MAML2: variants seen among roughly 807,000 people sequenced by gnomAD.
MAML2 encodes mastermind-like protein 2.
Under a neutral mutation model 96.1 loss-of-function variants are expected in MAML2, and 22 were observed. The ratio of observed to expected loss-of-function variants is 0.23; its 90% confidence interval spans 0.16 to 0.33. The LOEUF is 0.33. Ranked by LOEUF, MAML2 falls within the 10% of genes least tolerant of loss-of-function variation. MAML2 has a pLI of 1.00. For missense variants in MAML2, 1,367 were observed against 1,392.4 expected (o/e 0.98, Z 0.29); for synonymous variants, 561 against 521.3 (o/e 1.08, Z -1.04).
intron 1 of MAML2, among the ~76,000 whole-genome samples, chr11:96,175,563 A>G (rs745337312): frequency 6.6e-6 from 1 of 152,160 alleles, no homozygotes; most frequent in Non-Finnish European, 1.5e-5. Context: ...ATGTAGCAAT[A>G]CTTTCTGAAA....
At chr11:96,225,765 G>A (rs897068249) in intron 1 of MAML2, among the ~76,000 whole-genome samples, 14 of 151,866 alleles carry the variant, frequency 9.2e-5, no homozygotes, top group Admixed American at 2.0e-4. Flanking sequence ...TCTGGGAGGC[G>A]AAGGTTGCAG....
intron 1 of MAML2, among the ~76,000 whole-genome samples, chr11:96,138,591 G>A (rs1022133428): frequency 3.9e-5 from 6 of 152,094 alleles, no homozygotes; most frequent in South Asian, 2.1e-4. Context: ...CCCCCAAGTG[G>A]TCAGCCAGCA....
At chr11:96,337,788 A>G (rs1863938334) in intron 1 of MAML2, among the ~76,000 whole-genome samples, 1 of 152,250 alleles carries the variant, frequency 6.6e-6, no homozygotes. Flanking sequence ...GAAGTTTATT[A>G]CTACTAACAC....
At chr11:96,265,251 G>A (rs1474609677) in intron 1 of MAML2, among the ~76,000 whole-genome samples, 1 of 152,190 alleles carries the variant, frequency 6.6e-6, no homozygotes, top group Non-Finnish European at 1.5e-5. Context: ...CGGGGAGGAC[G>A]AGGGGAGAGT....
chr11:96,197,834 C>T (rs1861753820), intron 1 of MAML2, among the ~76,000 whole-genome samples: 1 of 152,130 alleles, frequency 6.6e-6, no homozygotes, highest in Admixed American at 6.5e-5. Context: ...GTGAAGACTT[C>T]AGAGGGGAAG....
At chr11:96,207,547 G>A (rs1367397186) in intron 1 of MAML2, among the ~76,000 whole-genome samples, 2 of 152,212 alleles carry the variant, frequency 1.3e-5, no homozygotes, top group Non-Finnish European at 2.9e-5. Context: ...GGCATGCAGG[G>A]CAATAAAACC....
intron 1 of MAML2, among the ~76,000 whole-genome samples, chr11:96,243,645 C>T (rs1046741385): frequency 2.1e-5 from 3 of 144,814 alleles, no homozygotes; most frequent in African/African-American, 7.6e-5. Context: ...GAACAGTCAT[C>T]CTTCTTTTTC....
intron 1 of MAML2, among the ~76,000 whole-genome samples, chr11:96,129,971 T>C (rs920291742): frequency 6.6e-6 from 1 of 152,260 alleles, no homozygotes; most frequent in African/African-American, 2.4e-5. Context: ...AATGGAAAGT[T>C]ACCATCTTGC....
chr11:96,086,413 C>T (rs776973145), intron 2 of MAML2, among the ~76,000 whole-genome samples: 1 of 151,906 alleles, frequency 6.6e-6, no homozygotes, highest in Non-Finnish European at 1.5e-5. Flanking sequence ...CCTAACAAAA[C>T]TCCAGAAATG....
intron 1 of MAML2, among the ~76,000 whole-genome samples, chr11:96,109,799 T>C (rs1488304872): frequency 1.3e-5 from 2 of 152,186 alleles, no homozygotes; most frequent in African/African-American, 4.8e-5. Context: ...CATCCCCTGC[T>C]AGTGAGATAT....
rs182402333 is a variant in MAML2, at chr11:96,122,045, C to T, written c.514-28528G>A. ...CAGAATGGTCTCGATCTCTTGACCT[C>T]GTGATCCGCCTGCCTCGGCCTCCCA... On this transcript the variant is annotated intron_variant, in intron 1 of 4. Coordinates refer to ENST00000524717, the MANE Select transcript of MAML2 (RefSeq NM_032427.4). 5.5e-3 allele frequency among the ~76,000 whole-genome samples: 772 copies of T among 139,772 alleles called. 6 individuals carry two copies. The highest frequency in any genetic ancestry group is 0.019 in the African/African-American group (718 of 37,362). The allele number at this position is 139,772 out of a possible 152,430, so 91.7% of individuals were successfully genotyped here.
intron 1 of MAML2, among the ~76,000 whole-genome samples, chr11:96,313,628 A>C (rs1863580511): frequency 6.6e-6 from 1 of 152,138 alleles, no homozygotes; most frequent in South Asian, 2.1e-4. Flanking sequence ...TTTCTGCTAT[A>C]ATTTAGTAAA....
chr11:95,987,504 G>A (rs1176109664), intron 3 of MAML2, among the ~76,000 whole-genome samples: 2 of 152,086 alleles, frequency 1.3e-5, no homozygotes, highest in Non-Finnish European at 2.9e-5. Flanking sequence ...ATAGGTAGAC[G>A]GAGAACACTA....
At chr11:96,098,298 T>C (rs1213342147) in intron 1 of MAML2, among the ~76,000 whole-genome samples, 1 of 152,096 alleles carries the variant, frequency 6.6e-6, no homozygotes, top group Admixed American at 6.5e-5. Flanking sequence ...CTGAACCATA[T>C]CCTATCAAAT....
At chr11:96,046,130 G>A (rs1858897374) in intron 2 of MAML2, among the ~76,000 whole-genome samples, 1 of 152,058 alleles carries the variant, frequency 6.6e-6, no homozygotes, top group Non-Finnish European at 1.5e-5. Context: ...AGTTGGGGGA[G>A]GAGGAGAGAG....
intron 1 of MAML2, among the ~76,000 whole-genome samples, chr11:96,129,407 A>G (rs903203768): frequency 2.0e-5 from 3 of 152,312 alleles, no homozygotes; most frequent in East Asian, 1.9e-4. Context: ...ACAAGTTTCC[A>G]TGTGATGCTG....
intron 1 of MAML2, among the ~76,000 whole-genome samples, chr11:96,123,842 G>A (rs1425605255): frequency 6.6e-6 from 1 of 152,060 alleles, no homozygotes; most frequent in Non-Finnish European, 1.5e-5. Flanking sequence ...GGGAGGCCGA[G>A]GTAGGTGGAT....
In MAML2 at chr11:96,153,676, C is replaced by T. The variant is rs184673877; in HGVS notation, c.514-60159G>A. 1.5e-3 allele frequency among the ~76,000 whole-genome samples: 229 copies of T among 152,082 alleles called. 2 individuals are homozygous for T. The highest frequency in any genetic ancestry group is 5.4e-3 in the African/African-American group (225 of 41,488). ...CCTGTAATCCCAGCACTTTGGGAGG[C>T]CAAGGTGGGTAGATCATGAGGTCAG... is the stretch of plus-strand genomic sequence containing the variant. On this transcript the variant is annotated intron_variant, in intron 1 of 4. Transcript: ENST00000524717.
chr11:96,056,823 C>T (rs146606568), intron 2 of MAML2, among the ~76,000 whole-genome samples: 24 of 152,280 alleles, frequency 1.6e-4, no homozygotes, highest in East Asian at 1.3e-3. Context: ...CCAAGCCCTA[C>T]GTGTGGGAGG....
Sources: gnomAD v4.1 joint callset for allele counts (sites outside exome capture counted in the v4.1 genomes callset) on GRCh38, gnomAD v4.1.1 for gene constraint, MANE v1.5 for transcripts, NCBI Gene and HGNC (gene_info 2026-07-23, HGNC 2026-07-21) for gene names.